SORCS1: variants seen among roughly 807,000 people sequenced by gnomAD.
SORCS1 encodes VPS10 domain-containing receptor SorCS1.
In SORCS1, 60 loss-of-function variants were observed where a neutral mutation model predicts 146.1. The observed-to-expected ratio is 0.41, with a 90% CI of 0.33 to 0.51. The LOEUF is 0.51. Ranked by LOEUF, SORCS1 falls within the 20% of genes least tolerant of loss-of-function variation. The pLI is 0.21. For missense variants in SORCS1, 1,352 were observed against 1,487.6 expected (o/e 0.91, Z 1.50); for synonymous variants, 637 against 584.0 (o/e 1.09, Z -1.31).
intron 17 of SORCS1, among the ~76,000 whole-genome samples, chr10:106,665,834 TTTTTTG>T (rs2135417456): frequency 6.6e-6 from 1 of 152,084 alleles, no homozygotes; most frequent in Admixed American, 6.5e-5. Context: ...CTTCTGTGGG[TTTTTTG>T]TTTGTTTGTT....
At chr10:106,656,129 A>T (rs959998176) in intron 17 of SORCS1, among the ~76,000 whole-genome samples, 1 of 152,208 alleles carries the variant, frequency 6.6e-6, no homozygotes, top group Non-Finnish European at 1.5e-5. Flanking sequence ...ATAGGATCTT[A>T]CTACTCCAAC....
At chr10:107,093,017 G>T (rs2134322768) in intron 1 of SORCS1, among the ~76,000 whole-genome samples, 1 of 151,862 alleles carries the variant, frequency 6.6e-6, no homozygotes, top group Admixed American at 6.6e-5. Flanking sequence ...GCTTTCTTTG[G>T]TACTTTTCAG....
intron 2 of SORCS1, among the ~76,000 whole-genome samples, chr10:106,866,601 C>T (rs1950228959): frequency 6.6e-6 from 1 of 152,152 alleles, no homozygotes. Flanking sequence ...GGAGAAAAGC[C>T]CACACTTTCA....
At chr10:106,917,275 C>T (rs1226612220) in intron 2 of SORCS1, among the ~76,000 whole-genome samples, 4 of 152,266 alleles carry the variant, frequency 2.6e-5, no homozygotes, top group Admixed American at 6.5e-5. Context: ...CTCTAAGCTT[C>T]TTGAGGACTG....
chr10:106,942,099 T>C (rs997160264), intron 2 of SORCS1, among the ~76,000 whole-genome samples: 10 of 152,222 alleles, frequency 6.6e-5, no homozygotes, highest in African/African-American at 2.4e-4. Context: ...AAGTAGCTTT[T>C]ATAAAAGGCT....
At chr10:106,943,746 C>G (rs1954171046) in intron 2 of SORCS1, among the ~76,000 whole-genome samples, 1 of 151,954 alleles carries the variant, frequency 6.6e-6, no homozygotes, top group African/African-American at 2.4e-5. Context: ...GGAGGCAGAG[C>G]TTGCAGTGAG....
chr10:106,817,599 C>T (rs1436330476), intron 3 of SORCS1, among the ~76,000 whole-genome samples: 1 of 152,110 alleles, frequency 6.6e-6, no homozygotes, highest in Non-Finnish European at 1.5e-5. Flanking sequence ...AACGATCTAT[C>T]AAAGGAACAT....
intron 22 of SORCS1, among the ~76,000 whole-genome samples, chr10:106,610,570 G>A (rs1381678493): frequency 6.6e-6 from 1 of 152,184 alleles, no homozygotes; most frequent in Non-Finnish European, 1.5e-5. Flanking sequence ...TTTCTGATCA[G>A]GAGTTATCTG....
chr10:107,159,549 C>CA, intron 1 of SORCS1, among the ~76,000 whole-genome samples: 1 of 152,050 alleles, frequency 6.6e-6, no homozygotes, highest in African/African-American at 2.4e-5. Context: ...ACTTTGTATC[C>CA]ACGATGTCGC....
chr10:107,095,159 G>C (rs1384810862), intron 1 of SORCS1, among the ~76,000 whole-genome samples: 1 of 152,232 alleles, frequency 6.6e-6, no homozygotes, highest in Non-Finnish European at 1.5e-5. Context: ...TAGGAATTAA[G>C]TGGCAGTCAC....
chr10:107,109,461 T>G (rs1965531993), intron 1 of SORCS1, among the ~76,000 whole-genome samples: 1 of 152,124 alleles, frequency 6.6e-6, no homozygotes, highest in South Asian at 2.1e-4. Flanking sequence ...CTGAGCTATA[T>G]CTGGGGCCCT....
intron 19 of SORCS1, among the ~76,000 whole-genome samples, chr10:106,622,289 G>GAAA (rs554464573): frequency 0.018 from 712 of 39,028 alleles, 35 homozygotes; most frequent in Non-Finnish European, 0.029. Context: ...ATTCCATCTC[G>GAAA]AAAAAAAAAA....
At chr10:107,066,918 C>T (rs1961926248) in intron 1 of SORCS1, among the ~76,000 whole-genome samples, 1 of 152,210 alleles carries the variant, frequency 6.6e-6, no homozygotes. Context: ...AACCCTAATA[C>T]TAGAGGTGGG....
chr10:106,702,342 C>A (rs1854197673), intron 8 of SORCS1, among the ~76,000 whole-genome samples: 2 of 152,338 alleles, frequency 1.3e-5, no homozygotes, highest in South Asian at 2.1e-4. Context: ...TCAACAATAA[C>A]CTGACCCCCG....
chr10:106,656,608 A>G (rs1850312394), intron 17 of SORCS1, among the ~76,000 whole-genome samples: 1 of 152,156 alleles, frequency 6.6e-6, no homozygotes, highest in Admixed American at 6.5e-5. Context: ...GTAAAACTGG[A>G]AGGAAGCATT....
upstream of SORCS1, among the ~76,000 whole-genome samples, chr10:107,166,477 G>A (rs1970054835): frequency 6.6e-6 from 1 of 152,202 alleles, no homozygotes; most frequent in South Asian, 2.1e-4. Flanking sequence ...CTAAAAGAGT[G>A]TCCTGTTTGT....
chr10:106,626,866 A>G (rs2133557811), intron 19 of SORCS1, among the ~76,000 whole-genome samples: 1 of 152,362 alleles, frequency 6.6e-6, no homozygotes, highest in Non-Finnish European at 1.5e-5. Flanking sequence ...AGGCTTAGAA[A>G]GAAGTTCCAT....
chr10:107,111,589 T>A (rs531195439), intron 1 of SORCS1, among the ~76,000 whole-genome samples: 200 of 152,170 alleles, frequency 1.3e-3, no homozygotes, highest in African/African-American at 4.5e-3. Flanking sequence ...CAAAAATCAA[T>A]TGTACAAATA....
At chr10:106,599,916 C>T (rs984557980) in intron 23 of SORCS1, among the ~76,000 whole-genome samples, 5 of 151,944 alleles carry the variant, frequency 3.3e-5, no homozygotes, top group Non-Finnish European at 5.9e-5. Flanking sequence ...GGATTACAGG[C>T]GCCTGCCACC....
Sources: allele counts gnomAD v4.1 joint callset (sites outside exome capture counted in the v4.1 genomes callset), GRCh38; gene constraint gnomAD v4.1.1; transcripts MANE v1.5; gene names NCBI Gene and HGNC (gene_info 2026-07-23, HGNC 2026-07-21).